The following SLIT3 variants were observed in gnomAD, a reference collection of about 807,000 sequenced individuals.
SLIT3 encodes the protein slit guidance ligand 3.
In SLIT3, 68 loss-of-function variants were observed where a neutral mutation model predicts 184.0. The observed-to-expected ratio is 0.37, with a 90% CI of 0.30 to 0.45. The LOEUF is 0.45. SLIT3 is among the 20% of genes least tolerant of loss of function. The probability of loss-of-function intolerance (pLI) is 1.00; values close to 1 mark genes in which losing one functional copy is unlikely to be tolerated. For synonymous variants in SLIT3, 831 were observed against 828.6 expected, an observed-to-expected ratio of 1.00 and a Z score of -0.05; for missense variants, 1,707 against 2,026.0, an observed-to-expected ratio of 0.84 and a Z score of 3.02.
intron 4 of SLIT3, among the ~76,000 whole-genome samples, chr5:169,139,749 C>T (rs927392542): frequency 3.3e-5 from 5 of 152,198 alleles, no homozygotes; most frequent in Admixed American, 3.3e-4. Context: ...GAGACTGAGG[C>T]ACTTCTGGGA....
chr5:168,910,672 G>A (rs550557572), intron 4 of SLIT3, among the ~76,000 whole-genome samples: 1 of 151,906 alleles, frequency 6.6e-6, no homozygotes, highest in Admixed American at 6.5e-5. Flanking sequence ...CGTGAACCTG[G>A]GAGGCGGAGC....
Position 168,939,743 on chromosome 5 carries a change from A to T in SLIT3, c.414-56407T>A, listed in dbSNP as rs577528358. On this transcript the variant is annotated intron_variant, in intron 4 of 35. Transcript: ENST00000519560. ...ACTTTTATGCAAGGGACTTTGGTACATGAAATGGAAAGCAACATTTAAGAC... is the reference window on the plus strand; with the variant it reads ...ACTTTTATGCAAGGGACTTTGGTACTTGAAATGGAAAGCAACATTTAAGAC... Among the ~76,000 whole-genome samples, 8 of 152,368 alleles carry T rather than the reference A, an allele frequency of 5.3e-5. No individual in the cohort carries two copies. In the South Asian group the frequency reaches 1.7e-3, roughly 32 times the overall value.
chr5:169,200,892 A>G (rs143337909), intron 3 of SLIT3, among the ~76,000 whole-genome samples: 6 of 152,282 alleles, frequency 3.9e-5, no homozygotes, highest in African/African-American at 1.4e-4. Flanking sequence ...GTTGGTTTAT[A>G]CCAGTGTCAT....
In SLIT3 at chr5:168,834,462, C is replaced by G. The variant is rs1056167438; in HGVS notation, c.557+10122G>C. Among the ~76,000 whole-genome samples, 10 of 151,824 alleles carry G rather than the reference C, an allele frequency of 6.6e-5. No homozygotes were observed. The South Asian group carries it at 2.1e-3, about 32-fold the overall frequency. On this transcript the variant is annotated intron_variant, in intron 6 of 35. Coordinates refer to ENST00000519560, the MANE Select transcript of SLIT3 (RefSeq NM_003062.4). ...ATCCCAGCACTTTGGGAGGCAGAGG[C>G]GGGCGGATCACTCGAGGTCAGGAGT... is the stretch of plus-strand genomic sequence containing the variant.
chr5:169,071,448 G>A (rs890440667), intron 4 of SLIT3, among the ~76,000 whole-genome samples: 1 of 152,218 alleles, frequency 6.6e-6, no homozygotes, highest in African/African-American at 2.4e-5. Context: ...AAGAGCGTTT[G>A]AGGGAAAGGT....
intron 1 of SLIT3, among the ~76,000 whole-genome samples, chr5:169,273,620 T>C (rs1581128042): frequency 1.3e-5 from 2 of 152,200 alleles, no homozygotes; most frequent in South Asian, 4.1e-4. Flanking sequence ...GTGATTTCAA[T>C]GTGCAGCTAG....
intron 4 of SLIT3, among the ~76,000 whole-genome samples, chr5:168,957,647 G>A (rs2113269558): frequency 6.6e-6 from 1 of 152,308 alleles, no homozygotes; most frequent in East Asian, 1.9e-4. Context: ...AATCACTTGT[G>A]GAGCTGGTCA....
chr5:169,113,407 T>G (rs1239884087), intron 4 of SLIT3, among the ~76,000 whole-genome samples: 1 of 152,248 alleles, frequency 6.6e-6, no homozygotes, highest in Non-Finnish European at 1.5e-5. Context: ...AATTCTTCCT[T>G]TCTATGACTG....
chr5:168,888,709 A>G (rs960304722), intron 4 of SLIT3, among the ~76,000 whole-genome samples: 1 of 152,212 alleles, frequency 6.6e-6, no homozygotes, highest in African/African-American at 2.4e-5. Context: ...TTTCAATAAC[A>G]TTAAAAAAAA....
At position 168,755,389 on chromosome 5, in the gene SLIT3, A is replaced by ATTTATTTCTTTCTTTCTTTCTTTC. The variant is rs1213373035; in HGVS notation, c.1686-1383_1686-1382insGAAAGAAAGAAAGAAAGAAATAAA. On this transcript the variant is annotated intron_variant, in intron 16 of 35. Transcript: ENST00000519560. ...GTCCTATCAAACCCTCAGTGCCGCC[A>ATTTATTTCTTTCTTTCTTTCTTTC]TTTCTTTCTTTCTTTCTTTCTTTCT... Among the ~76,000 whole-genome samples the ATTTATTTCTTTCTTTCTTTCTTTC allele has an allele frequency of 1.1e-4, 15 of 133,640 alleles. 1 individual carries two copies. Among genetic ancestry groups the ATTTATTTCTTTCTTTCTTTCTTTC allele is most frequent in the East Asian group, 2.4e-4 (1 of 4,252 alleles). The allele number at this position is 133,640 out of a possible 152,430, so 87.7% of individuals were successfully genotyped here.
chr5:169,214,456 G>C lies in SLIT3; in HGVS notation c.342-20906C>G, dbSNP rs907579535. ...CAGTGAGGAAGTGGCAACAACCAAG[G>C]CTTGTCTGGGAAACTGGGAGGAGGC... is the stretch of plus-strand genomic sequence containing the variant. On this transcript the variant is annotated intron_variant, in intron 3 of 35. Coordinates refer to ENST00000519560, the MANE Select transcript of SLIT3 (RefSeq NM_003062.4). Among the ~76,000 whole-genome samples the C allele has an allele frequency of 1.3e-4, 20 of 152,330 alleles. No homozygotes were observed. The East Asian group carries it at 3.3e-3, about 25-fold the overall frequency.
intron 4 of SLIT3, among the ~76,000 whole-genome samples, chr5:168,889,494 A>G (rs971577262): frequency 6.6e-6 from 1 of 152,202 alleles, no homozygotes; most frequent in Non-Finnish European, 1.5e-5. Flanking sequence ...GTTTCTGAAT[A>G]TTTCATTGCA....
intron 20 of SLIT3, among the ~76,000 whole-genome samples, chr5:168,731,032 C>G (rs937981825): frequency 1.3e-5 from 2 of 151,768 alleles, no homozygotes; most frequent in African/African-American, 4.8e-5. Context: ...ATTGATAAAT[C>G]ACTAGCTAAA....
chr5:169,213,402 C>A (rs547943237), intron 3 of SLIT3, among the ~76,000 whole-genome samples: 1 of 152,262 alleles, frequency 6.6e-6, no homozygotes, highest in African/African-American at 2.4e-5. Context: ...CTGCCATTGG[C>A]TTTCTTCACA....
At chr5:169,250,470 A>G (rs1173453544) in intron 2 of SLIT3, among the ~76,000 whole-genome samples, 3 of 152,236 alleles carry the variant, frequency 2.0e-5, no homozygotes, top group Non-Finnish European at 4.4e-5. Flanking sequence ...AATTTGCCCA[A>G]GGTTTCATGG....
chr5:169,220,818 C>A (rs1452006350), intron 3 of SLIT3, among the ~76,000 whole-genome samples: 1 of 152,172 alleles, frequency 6.6e-6, no homozygotes, highest in Non-Finnish European at 1.5e-5. Context: ...ACCAACCCTA[C>A]TCCCAAAGCT....
rs1206541762 is a variant in SLIT3 at position 168,708,025 on chromosome 5, G to A, written c.2795C>T (p.Thr932Ile). The change falls in exon 26 of 36, where the codon ACC becomes ATC. Residue 932 changes from threonine to isoleucine, a missense_variant. Physicochemically the swap from Thr to Ile is moderately conservative, Grantham distance 89. This residue lies in a region of SLIT3 where 1,307 missense variants were observed against 1,511.6 expected (regional missense o/e 0.86). Transcript: ENST00000519560. ...SSPCKNNGTC[T>I]QDPVELYRCA... ...GCGGTACAGCTCCACAGGGTCCTGGGTGCATGTCCCGTTATTCTTGCACGG... is the reference window on the plus strand; with the variant it reads ...GCGGTACAGCTCCACAGGGTCCTGGATGCATGTCCCGTTATTCTTGCACGG... 1 of 1,614,200 alleles carries A rather than the reference G, an allele frequency of 6.2e-7. No homozygotes were observed. Among genetic ancestry groups the A allele is most frequent in the Admixed American group, 1.7e-5 (1 of 60,032 alleles).
intron 4 of SLIT3, among the ~76,000 whole-genome samples, chr5:169,169,969 G>A (rs1762765133): frequency 1.3e-5 from 2 of 152,200 alleles, no homozygotes; most frequent in South Asian, 4.1e-4. Context: ...CCTGTGATGT[G>A]GGCAGGCAGT....
At chr5:168,693,941 C>T (rs1388070097) in intron 28 of SLIT3, among the ~76,000 whole-genome samples, 1 of 152,210 alleles carries the variant, frequency 6.6e-6, no homozygotes, top group Non-Finnish European at 1.5e-5. Context: ...AGACAAGTAT[C>T]TGTGTGGGAC....
Sources: allele counts gnomAD v4.1 joint callset (sites outside exome capture counted in the v4.1 genomes callset), GRCh38; gene constraint gnomAD v4.1.1; regional missense constraint gnomAD v4.1.1; transcripts MANE v1.5; gene names NCBI Gene and HGNC (gene_info 2026-07-23, HGNC 2026-07-21).